Variants in AGBL4 observed in about 807,000 individuals in gnomAD.
AGBL4 encodes the protein cytosolic carboxypeptidase 6.
Under a neutral mutation model 66.4 loss-of-function variants are expected in AGBL4, and 58 were observed. The ratio of observed to expected loss-of-function variants is 0.87; its 90% CI spans 0.71 to 1.09. The LOEUF is 1.09. Among genes scored for constraint, AGBL4 ranks in the 50% least tolerant of loss-of-function variants. The probability of loss-of-function intolerance (pLI) is 0.00; values close to 1 mark genes in which losing one functional copy is unlikely to be tolerated. For missense variants in AGBL4, 579 were observed against 631.0 expected (o/e 0.92, Z 0.88); for synonymous variants, 234 against 222.9 (o/e 1.05, Z -0.44).
chr1:49,121,337 T>G (rs1396259952), intron 4 of AGBL4, among the ~76,000 whole-genome samples: 2 of 152,162 alleles, frequency 1.3e-5, no homozygotes, highest in African/African-American at 4.8e-5. Context: ...CTCCCCATAT[T>G]TGTGGTTTTA....
intron 2 of AGBL4, among the ~76,000 whole-genome samples, chr1:49,753,362 A>C (rs1651628706): frequency 1.3e-5 from 2 of 152,204 alleles, no homozygotes; most frequent in Admixed American, 1.3e-4. Flanking sequence ...TTCTGGGTTG[A>C]AAATTCTTTT....
intron 3 of AGBL4, among the ~76,000 whole-genome samples, chr1:49,358,408 G>GAA (rs529884061): frequency 2.2e-3 from 313 of 143,420 alleles, no homozygotes; most frequent in African/African-American, 7.4e-3. Context: ...ATAAGCACCA[G>GAA]AAAAAAAAAA....
intron 2 of AGBL4, among the ~76,000 whole-genome samples, chr1:49,833,522 C>T (rs1281837844): frequency 6.6e-6 from 1 of 151,934 alleles, no homozygotes. Context: ...TTTTCCAATT[C>T]TGTGAAGAAA....
At chr1:49,537,819 C>T (rs1370765587) in intron 3 of AGBL4, among the ~76,000 whole-genome samples, 4 of 151,742 alleles carry the variant, frequency 2.6e-5, no homozygotes, top group Admixed American at 6.6e-5. Context: ...CCCAGCTACT[C>T]GGTAGGCTGA....
intron 3 of AGBL4, among the ~76,000 whole-genome samples, chr1:49,408,476 G>A (rs995715280): frequency 2.6e-5 from 4 of 152,194 alleles, no homozygotes; most frequent in African/African-American, 9.7e-5. Context: ...GTGTCTGTAA[G>A]GGTGTTGCCA....
intron 1 of AGBL4, among the ~76,000 whole-genome samples, chr1:49,862,556 G>T (rs1342890023): frequency 1.3e-5 from 2 of 152,030 alleles, no homozygotes; most frequent in Non-Finnish European, 2.9e-5. Context: ...GAACACCAAT[G>T]AGATTTAACC....
At chr1:49,625,643 C>G (rs1645450913) in intron 3 of AGBL4, among the ~76,000 whole-genome samples, 1 of 152,150 alleles carries the variant, frequency 6.6e-6, no homozygotes, top group Admixed American at 6.5e-5. Context: ...GAGCACAAAT[C>G]ATATCTTCTT....
intron 2 of AGBL4, among the ~76,000 whole-genome samples, chr1:49,784,064 C>G (rs1025505213): frequency 1.3e-5 from 2 of 152,046 alleles, no homozygotes; most frequent in South Asian, 4.1e-4. Flanking sequence ...GATGGCAGTA[C>G]TCCTGAGATT....
At chr1:49,901,026 A>G (rs1277812711) in intron 1 of AGBL4, among the ~76,000 whole-genome samples, 1 of 152,210 alleles carries the variant, frequency 6.6e-6, no homozygotes, top group Non-Finnish European at 1.5e-5. Context: ...TTACAAAGCA[A>G]TCTTTCTTTT....
intron 3 of AGBL4, among the ~76,000 whole-genome samples, chr1:49,546,295 G>A (rs1029181007): frequency 3.5e-4 from 52 of 149,906 alleles, no homozygotes; most frequent in African/African-American, 1.3e-3. Context: ...TCATATATAT[G>A]TATATGTATT....
At chr1:50,017,502 A>T (rs1013716016) in intron 1 of AGBL4, 1 of 152,216 alleles carries the variant, frequency 6.6e-6, no homozygotes, top group Non-Finnish European at 1.5e-5. Flanking sequence ...CTACTCCTCA[A>T]TTATTATATA....
chr1:48,573,067 G>T (rs1262790289), intron 11 of AGBL4, among the ~76,000 whole-genome samples: 1 of 152,142 alleles, frequency 6.6e-6, no homozygotes, highest in Non-Finnish European at 1.5e-5. Context: ...CTCTACACCG[G>T]CCCAGCGCCT....
intron 5 of AGBL4, among the ~76,000 whole-genome samples, chr1:49,005,057 A>C (rs1430675737): frequency 6.6e-6 from 1 of 152,214 alleles, no homozygotes; most frequent in Non-Finnish European, 1.5e-5. Flanking sequence ...AACCCAGGTC[A>C]CAGACCTTGA....
intron 6 of AGBL4, chr1:48,776,771 C>G: frequency 6.6e-7 from 1 of 1,524,676 alleles, no homozygotes; most frequent in Non-Finnish European, 8.8e-7. Flanking sequence ...AAGTCGCGCA[C>G]GCACGACACG....
intron 3 of AGBL4, among the ~76,000 whole-genome samples, chr1:49,477,134 T>C (rs1254761418): frequency 6.6e-6 from 1 of 152,082 alleles, no homozygotes; most frequent in African/African-American, 2.4e-5. Flanking sequence ...ATGCAGGGCC[T>C]TGGGAACTCA....
chr1:48,639,886 T>C (rs1030014416), intron 8 of AGBL4, among the ~76,000 whole-genome samples: 1 of 152,190 alleles, frequency 6.6e-6, no homozygotes, highest in African/African-American at 2.4e-5. Flanking sequence ...CCAAGGCTGG[T>C]ACAGGCTCTT....
chr1:49,772,879 A>G (rs1644102046), intron 2 of AGBL4, among the ~76,000 whole-genome samples: 3 of 152,168 alleles, frequency 2.0e-5, no homozygotes, highest in South Asian at 4.1e-4. Flanking sequence ...GAATGTCCAT[A>G]TCTCTCAAAA....
intron 3 of AGBL4, among the ~76,000 whole-genome samples, chr1:49,487,116 C>T (rs190238968): frequency 1.8e-4 from 27 of 151,852 alleles, no homozygotes; most frequent in African/African-American, 2.9e-4. Flanking sequence ...TGAAGTACAA[C>T]GAAGATTTGT....
chr1:49,057,870 G>C (rs547356256), intron 4 of AGBL4, among the ~76,000 whole-genome samples: 1 of 152,248 alleles, frequency 6.6e-6, no homozygotes, highest in Admixed American at 6.5e-5. Flanking sequence ...ACTCACAATA[G>C]ATATTTGTTA....
Sources: gnomAD v4.1 joint callset for allele counts (sites outside exome capture counted in the v4.1 genomes callset) on GRCh38, gnomAD v4.1.1 for gene constraint, MANE v1.5 for transcripts, NCBI Gene and HGNC (gene_info 2026-07-23, HGNC 2026-07-21) for gene names.